GALM: variants seen among roughly 807,000 people sequenced by gnomAD.
GALM encodes galactose mutarotase.
Under a neutral mutation model 37.4 loss-of-function variants are expected in GALM, and 43 were observed. The observed-to-expected ratio is 1.15, with a 90% CI of 0.90 to 1.48. The LOEUF (loss-of-function observed/expected upper bound fraction) is 1.48. GALM is among the 40% of genes most tolerant of loss of function. The pLI, the probability that GALM is intolerant of heterozygous loss-of-function variation, is 0.00. For missense variants in GALM, 456 were observed against 419.1 expected, an observed-to-expected ratio of 1.09 and a Z score of -0.77; for synonymous variants, 199 against 170.6, an observed-to-expected ratio of 1.17 and a Z score of -1.30.
intron 4 of GALM, among the ~76,000 whole-genome samples, chr2:38,694,913 C>A (rs7583347): frequency 0.49 from 65,085 of 132,006 alleles, 16,016 homozygotes; most frequent in East Asian, 0.69. Context: ...AAAAAAAAAA[C>A]AAAAAAAGAA....
intron 4 of GALM, chr2:38,698,256 T>G: frequency 2.4e-6 from 1 of 414,154 alleles, no homozygotes; most frequent in South Asian, 1.9e-5. Flanking sequence ...ATTCATCACC[T>G]AACTTCTAAA....
chr2:38,666,435 C>A (rs1327457907), intron 1 of GALM, 84 bp downstream of exon 1: 3 of 1,090,276 alleles, frequency 2.8e-6, no homozygotes, highest in African/African-American at 1.6e-5. Context: ...ACTTGCAATG[C>A]GAGGGACCAA....
chr2:38,666,432 A>G (rs1354403542), intron 1 of GALM, 81 bp downstream of exon 1: 1 of 1,120,922 alleles, frequency 8.9e-7, no homozygotes, highest in East Asian at 2.5e-5. Context: ...GCCACTTGCA[A>G]TGCGAGGGAC....
chr2:38,713,904 C>A (rs1453579593), intron 4 of GALM, among the ~76,000 whole-genome samples: 18 of 137,918 alleles, frequency 1.3e-4, no homozygotes, highest in African/African-American at 3.2e-4. Context: ...GACCCTGCTT[C>A]AAAAAAAAAA....
intron 4 of GALM, among the ~76,000 whole-genome samples, chr2:38,706,511 CA>C (rs1219516280): frequency 0.16 from 11,157 of 68,504 alleles, 522 homozygotes; most frequent in East Asian, 0.39. Context: ...CCCATCTCTA[CA>C]AAAAAAAAAA....
intron 4 of GALM, 21 bp downstream of exon 4, chr2:38,689,915 T>C (rs1341882496): frequency 6.9e-7 from 1 of 1,446,714 alleles, no homozygotes; most frequent in African/African-American, 1.4e-5. Context: ...TTAACCTTTT[T>C]GTGTTATGTG....
At position 38,729,921 on chromosome 2, in the gene GALM, G is replaced by A. The variant is rs553011540; in HGVS notation, c.776+224G>A. On this transcript the variant is annotated intron_variant, in intron 5 of 6. Transcript: ENST00000272252. ...CCCCTATTCCCCCTGCTTGGCACCCGCTCTCTCCCTCTCTGCCTGTTCTTT... is the reference window on the plus strand; with the variant it reads ...CCCCTATTCCCCCTGCTTGGCACCCACTCTCTCCCTCTCTGCCTGTTCTTT... Among the ~76,000 whole-genome samples the A allele has an allele frequency of 3.3e-5, 5 of 152,078 alleles. No homozygotes were observed. In the East Asian group the frequency reaches 5.8e-4, roughly 18 times the overall value.
intron 2 of GALM, among the ~76,000 whole-genome samples, chr2:38,678,884 A>C (rs983038428): frequency 6.6e-6 from 1 of 152,242 alleles, no homozygotes; most frequent in African/African-American, 2.4e-5. Context: ...TTGAAAAGGA[A>C]GATTCAGACA....
At chr2:38,674,510 G>T (rs1665190683) in intron 1 of GALM, among the ~76,000 whole-genome samples, 1 of 152,040 alleles carries the variant, frequency 6.6e-6, no homozygotes, top group African/African-American at 2.4e-5. Context: ...GTATAAGTAT[G>T]TCCCATGTAT....
chr2:38,680,408 C>T (rs772791280), intron 2 of GALM, among the ~76,000 whole-genome samples: 5 of 151,990 alleles, frequency 3.3e-5, no homozygotes, highest in Admixed American at 6.6e-5. Flanking sequence ...GAAGAAACTT[C>T]GAGATAATTT....
intron 2 of GALM, among the ~76,000 whole-genome samples, chr2:38,678,017 CTTT>C (rs372206191): frequency 5.8e-5 from 8 of 138,264 alleles, no homozygotes; most frequent in Admixed American, 7.3e-5. Context: ...ACTTTGAACT[CTTT>C]TTTTTTTTTT....
chr2:38,679,927 T>C (rs1199330725), intron 2 of GALM: 1 of 401,602 alleles, frequency 2.5e-6, no homozygotes, highest in African/African-American at 2.1e-5. Context: ...ATAAGTGTAA[T>C]CTTGGAGCCT....
In GALM at chr2:38,733,540, C is replaced by G; in HGVS notation, c.1004C>G (p.Thr335Ser). ...LRPGEEYDHTTWFKFSVA is the reference protein window; with the variant it reads ...LRPGEEYDHTSWFKFSVA ...CCTGGTGAGGAGTATGACCACACCA[C>G]CTGGTTCAAGTTTTCTGTGGCTTAA... The change falls in exon 7 of 7, where the codon ACC (threonine) becomes AGC (serine). Residue 335 changes from threonine (T) to serine (S), a missense_variant. Transcript: ENST00000272252. 6.2e-7 allele frequency: 1 copy of G among 1,613,946 alleles called. No homozygotes were observed. The highest frequency in any genetic ancestry group is 8.5e-7 in the Non-Finnish European group (1 of 1,179,844).
intron 2 of GALM, 69 bp downstream of exon 2, chr2:38,676,135 C>A: frequency 6.7e-7 from 1 of 1,481,770 alleles, no homozygotes; most frequent in Non-Finnish European, 9.4e-7. Flanking sequence ...TTGCCAGGCA[C>A]AGTCATAGGC....
intron 4 of GALM, among the ~76,000 whole-genome samples, chr2:38,718,988 G>T (rs890652067): frequency 6.6e-6 from 1 of 151,896 alleles, no homozygotes; most frequent in Non-Finnish European, 1.5e-5. Flanking sequence ...CATAGACCCA[G>T]TTCACTTTCT....
At chr2:38,673,541 A>C (rs1225070893) in intron 1 of GALM, among the ~76,000 whole-genome samples, 1 of 152,206 alleles carries the variant, frequency 6.6e-6, no homozygotes. Flanking sequence ...TATGCTGATT[A>C]TTATACCATG....
At chr2:38,721,102 C>A (rs951352262) in intron 4 of GALM, among the ~76,000 whole-genome samples, 2 of 152,170 alleles carry the variant, frequency 1.3e-5, no homozygotes, top group African/African-American at 4.8e-5. Context: ...CACAAGCAGT[C>A]ATGGGGAAAA....
intron 5 of GALM, 136 bp downstream of exon 5, chr2:38,729,833 C>G: frequency 1.4e-6 from 1 of 694,150 alleles, no homozygotes; most frequent in East Asian, 2.9e-5. Flanking sequence ...CCCATATTTT[C>G]TCAAAGCTCC....
At chr2:38,688,206 C>T (rs138688068) in intron 3 of GALM, among the ~76,000 whole-genome samples, 34 of 144,678 alleles carry the variant, frequency 2.4e-4, no homozygotes, top group East Asian at 8.2e-4. Context: ...AGTGAGACTC[C>T]GTCTCAAAAA....
Sources: allele counts gnomAD v4.1 joint callset (sites outside exome capture counted in the v4.1 genomes callset), GRCh38; gene constraint gnomAD v4.1.1; transcripts MANE v1.5; gene names NCBI Gene and HGNC (gene_info 2026-07-23, HGNC 2026-07-21).